NSRP1: variants seen among roughly 807,000 people sequenced by gnomAD.
NSRP1 encodes the protein coiled-coil domain containing 55.
NSRP1 carries 24 observed loss-of-function variants against 54.7 expected under a neutral mutation model. The observed-to-expected ratio is 0.44, with a 90% CI of 0.32 to 0.62. The LOEUF is 0.62. Ranked by LOEUF, NSRP1 falls within the 20% of genes least tolerant of loss-of-function variation. The probability of loss-of-function intolerance (pLI) is 0.06; values close to 1 mark genes in which losing one functional copy is unlikely to be tolerated. For synonymous variants in NSRP1, 210 were observed against 213.8 expected, an observed-to-expected ratio of 0.98 and a Z score of 0.15; for missense variants, 596 against 651.2, an observed-to-expected ratio of 0.92 and a Z score of 0.92.
chr17:30,122,056 G>A (rs1185570739), intron 2 of NSRP1, among the ~76,000 whole-genome samples: 1 of 151,910 alleles, frequency 6.6e-6, no homozygotes, highest in Non-Finnish European at 1.5e-5. Context: ...ATAGAATCAT[G>A]CAATAGGCTT....
At chr17:30,118,578 G>T (rs982368636) in intron 2 of NSRP1, among the ~76,000 whole-genome samples, 2 of 151,980 alleles carry the variant, frequency 1.3e-5, no homozygotes, top group African/African-American at 4.8e-5. Context: ...TTTAAATTCA[G>T]TGTCTGCCAA....
chr17:30,128,048 AG>A (rs1359825408), intron 2 of NSRP1: 1 of 383,740 alleles, frequency 2.6e-6, no homozygotes, highest in Non-Finnish European at 4.6e-6. Context: ...TGCGTTGCCT[AG>A]GCTGCTCTTG....
In NSRP1 at chr17:30,122,060, TA is replaced by T. The variant is rs2071602792; in HGVS notation, c.114+3888del. Among the ~76,000 whole-genome samples, 3 of 152,090 alleles carry T rather than the reference TA, an allele frequency of 2.0e-5. No homozygotes were observed. In the South Asian group the frequency reaches 6.2e-4, roughly 32 times the overall value. On this transcript the variant is annotated intron_variant, in intron 2 of 6. Transcript: ENST00000247026. ...ATTTCATATAAATAGAATCATGCAA[TA>T]GGCTTTCTTTTGTGTCTGACTTCTT... is the stretch of plus-strand genomic sequence containing the variant.
intron 2 of NSRP1, among the ~76,000 whole-genome samples, chr17:30,120,135 A>G (rs916215008): frequency 6.6e-6 from 1 of 152,350 alleles, no homozygotes; most frequent in African/African-American, 2.4e-5. Flanking sequence ...TCATATAAAA[A>G]AAATCATACA....
chr17:30,126,237 C>T (rs1597593991), intron 2 of NSRP1: 1 of 150,960 alleles, frequency 6.6e-6, no homozygotes, highest in East Asian at 1.9e-4. Context: ...TATGCTTTGC[C>T]CCTAGAATGC....
rs1177357412 is a variant in NSRP1 at position 30,121,557 on chromosome 17, CGT to C, written c.114+3397_114+3398del. ...AAGTGTACAATTCACTGTGTGTGTG[CGT>C]GTGTGTGTGTGTTTTTTTTTTTTTT... On this transcript the variant is annotated intron_variant, in intron 2 of 6. Coordinates refer to ENST00000247026, the MANE Select transcript of NSRP1 (RefSeq NM_032141.4). Among the ~76,000 whole-genome samples, 22 of 139,384 alleles carry C rather than the reference CGT, an allele frequency of 1.6e-4. No homozygotes were observed. In the East Asian group the frequency reaches 3.9e-3, roughly 25 times the overall value. The allele number at this position is 139,384 out of a possible 152,430, so 91.4% of individuals were successfully genotyped here.
At chr17:30,138,096 G>A (rs941853000) in intron 2 of NSRP1, among the ~76,000 whole-genome samples, 8 of 151,990 alleles carry the variant, frequency 5.3e-5, no homozygotes, top group African/African-American at 1.2e-4. Context: ...CCTCATATAC[G>A]TGGAATCATA....
intron 2 of NSRP1, among the ~76,000 whole-genome samples, chr17:30,131,151 A>G (rs940226007): frequency 6.6e-6 from 1 of 152,212 alleles, no homozygotes; most frequent in Admixed American, 6.5e-5. Flanking sequence ...CTCTACTAAG[A>G]TTAAACTTTT....
intron 2 of NSRP1, among the ~76,000 whole-genome samples, chr17:30,170,368 G>A (rs1904885788): frequency 6.6e-6 from 1 of 152,048 alleles, no homozygotes; most frequent in Admixed American, 6.5e-5. Context: ...ACCATATATA[G>A]TACAATTTTA....
At chr17:30,121,453 C>CT (rs200327930) in intron 2 of NSRP1, among the ~76,000 whole-genome samples, 3,136 of 121,804 alleles carry the variant, frequency 0.026, 56 homozygotes, top group African/African-American at 0.054. Flanking sequence ...GATGCAAGAT[C>CT]TTTTTTTTTT....
At chr17:30,116,927 C>T in intron 1 of NSRP1, 64 bp downstream of exon 1, 2 of 1,544,408 alleles carry the variant, frequency 1.3e-6, no homozygotes, top group South Asian at 2.4e-5. Flanking sequence ...GTATCTTTGG[C>T]CGAGGAGTTT....
chr17:30,147,122 C>CT (rs1160302674), intron 2 of NSRP1, among the ~76,000 whole-genome samples: 2 of 116,674 alleles, frequency 1.7e-5, no homozygotes, highest in Admixed American at 1.9e-4. Flanking sequence ...TTTTCTTTTT[C>CT]TTTTCTTTTC....
At chr17:30,165,930 C>T (rs772706053) in intron 2 of NSRP1, among the ~76,000 whole-genome samples, 10 of 151,912 alleles carry the variant, frequency 6.6e-5, no homozygotes, top group Non-Finnish European at 5.9e-5. Context: ...TTTTATTAAG[C>T]ACACTGATAA....
At chr17:30,147,764 C>T (rs1302253367) in intron 2 of NSRP1, among the ~76,000 whole-genome samples, 7 of 150,790 alleles carry the variant, frequency 4.6e-5, no homozygotes, top group South Asian at 4.2e-4. Flanking sequence ...CGCCCAGCCC[C>T]GGCCAGACTT....
intron 2 of NSRP1, among the ~76,000 whole-genome samples, chr17:30,159,004 A>G (rs1000225099): frequency 6.6e-6 from 1 of 152,112 alleles, no homozygotes; most frequent in African/African-American, 2.4e-5. Flanking sequence ...GAAAAATATT[A>G]TTGGTATTTT....
Position 30,185,429 on chromosome 17 carries a change from A to T in NSRP1, c.1432A>T (p.Met478Leu). ...AGAAAGATCCAACAAAATGAGAAAC[A>T]TGGCAAAGGACAAAGAAAGAAACCA... Reference protein sequence around the residue: ...DQERSNKMRNMAKDKERNQEK... With the variant: ...DQERSNKMRNLAKDKERNQEK... The change falls in exon 7 of 7, where the codon ATG (methionine) becomes TTG (leucine). Residue 478 changes from methionine (M) to leucine (L), a missense_variant. Physicochemically the swap from Met to Leu is conservative, Grantham distance 15 (BLOSUM62 2). Coordinates refer to ENST00000247026, the MANE Select transcript of NSRP1 (RefSeq NM_032141.4). The T allele has an allele frequency of 6.2e-7, 1 of 1,608,768 alleles. No individual in the cohort carries two copies. Among genetic ancestry groups the T allele is most frequent in the South Asian group, 1.1e-5 (1 of 89,458 alleles).
chr17:30,171,972 A>ACACACTCTCTCTCTCTCT (rs1169988659), intron 2 of NSRP1, among the ~76,000 whole-genome samples: 4 of 46,638 alleles, frequency 8.6e-5, no homozygotes, highest in Middle Eastern at 0.012. Flanking sequence ...ACACACACAC[A>ACACACTCTCTCTCTCTCT]CTCCCTCTCT....
chr17:30,131,005 G>A (rs2151880538), intron 2 of NSRP1, among the ~76,000 whole-genome samples: 1 of 152,276 alleles, frequency 6.6e-6, no homozygotes, highest in East Asian at 1.9e-4. Flanking sequence ...TGGTGGTGGG[G>A]GGTGATAAGT....
At chr17:30,182,517 C>T (rs1339804904) in intron 6 of NSRP1, among the ~76,000 whole-genome samples, 2 of 152,020 alleles carry the variant, frequency 1.3e-5, no homozygotes, top group African/African-American at 2.4e-5. Context: ...TGGCACATGC[C>T]TGTAATCCCA....
Sources: gnomAD v4.1 joint callset for allele counts (sites outside exome capture counted in the v4.1 genomes callset) on GRCh38, gnomAD v4.1.1 for gene constraint, MANE v1.5 for transcripts, NCBI Gene and HGNC (gene_info 2026-07-23, HGNC 2026-07-21) for gene names.